ADAM18: variants seen among roughly 807,000 people sequenced by gnomAD.
ADAM18 encodes the protein ADAM metallopeptidase domain 18, also known as disintegrin and metalloproteinase domain-containing protein 18.
In ADAM18, 117 loss-of-function variants were observed where a neutral mutation model predicts 94.4. That is an observed-to-expected ratio of 1.24 (90% CI 1.07 to 1.45). ADAM18 has a LOEUF of 1.45. ADAM18 is among the 40% of genes most tolerant of loss of function. The pLI is 0.00. For missense variants in ADAM18, 936 were observed against 880.0 expected, an observed-to-expected ratio of 1.06 and a Z score of -0.81; for synonymous variants, 327 against 291.6, an observed-to-expected ratio of 1.12 and a Z score of -1.24.
chr8:39,627,058 T>C (rs1819789701), intron 6 of ADAM18, among the ~76,000 whole-genome samples: 1 of 152,142 alleles, frequency 6.6e-6, no homozygotes, highest in Non-Finnish European at 1.5e-5. Flanking sequence ...AGTCATTGTT[T>C]TATGAATGTG....
intron 16 of ADAM18, among the ~76,000 whole-genome samples, chr8:39,683,176 A>G (rs971910332): frequency 6.6e-6 from 1 of 152,192 alleles, no homozygotes; most frequent in African/African-American, 2.4e-5. Context: ...AGAGTAATAC[A>G]TGGGAAGAAA....
chr8:39,681,680 G>T (rs1283971046), intron 16 of ADAM18, among the ~76,000 whole-genome samples: 2 of 152,114 alleles, frequency 1.3e-5, no homozygotes, highest in African/African-American at 2.4e-5. Flanking sequence ...AGCTCATATT[G>T]CCTGAAACAG....
At chr8:39,611,590 G>T in intron 6 of ADAM18, 1 of 985,268 alleles carries the variant, frequency 1.0e-6, no homozygotes, top group Non-Finnish European at 1.2e-6. Context: ...CTGGTTTCAG[G>T]TAAGAGATAT....
At chr8:39,627,369 G>C (rs992887651) in intron 6 of ADAM18, among the ~76,000 whole-genome samples, 1 of 152,032 alleles carries the variant, frequency 6.6e-6, no homozygotes, top group African/African-American at 2.4e-5. Context: ...AGAACAGTAT[G>C]GGGGAAACTG....
chr8:39,663,992 T>C, intron 13 of ADAM18, 102 bp downstream of exon 13: 3 of 775,480 alleles, frequency 3.9e-6, no homozygotes, highest in Non-Finnish European at 6.1e-6. Flanking sequence ...ATAAGGAATT[T>C]AGTGAAATAA....
intron 12 of ADAM18, among the ~76,000 whole-genome samples, chr8:39,660,976 G>A (rs1464841195): frequency 6.6e-6 from 1 of 152,036 alleles, no homozygotes; most frequent in African/African-American, 2.4e-5. Flanking sequence ...AGGTGATAAT[G>A]TTGGTTTGCT....
intron 7 of ADAM18, among the ~76,000 whole-genome samples, chr8:39,636,074 A>G (rs1337098942): frequency 6.7e-6 from 1 of 149,962 alleles, no homozygotes; most frequent in African/African-American, 2.5e-5. Context: ...CCTGGAGTGC[A>G]GTGACAAAAT....
chr8:39,688,641 C>T (rs997339277), intron 16 of ADAM18, among the ~76,000 whole-genome samples: 1 of 152,144 alleles, frequency 6.6e-6, no homozygotes, highest in Non-Finnish European at 1.5e-5. Flanking sequence ...CATTGATGGG[C>T]ATTTAAGTTG....
intron 7 of ADAM18, among the ~76,000 whole-genome samples, chr8:39,630,200 C>A (rs1449060239): frequency 2.0e-5 from 3 of 151,748 alleles, no homozygotes; most frequent in African/African-American, 7.2e-5. Context: ...AAATACACTT[C>A]TGGTTTTAAA....
intron 10 of ADAM18, among the ~76,000 whole-genome samples, chr8:39,639,468 C>T (rs145015573): frequency 9.9e-5 from 15 of 151,988 alleles, no homozygotes; most frequent in East Asian, 1.9e-4. Flanking sequence ...CTTAAAAATA[C>T]GCCCATGAAG....
At chr8:39,616,980 C>T (rs1048052849) in intron 6 of ADAM18, among the ~76,000 whole-genome samples, 1 of 152,002 alleles carries the variant, frequency 6.6e-6, no homozygotes, top group Non-Finnish European at 1.5e-5. Flanking sequence ...GATGAAGATA[C>T]CAAAAGCAAT....
At chr8:39,669,240 A>C (rs1358484684) in intron 14 of ADAM18, among the ~76,000 whole-genome samples, 1 of 151,302 alleles carries the variant, frequency 6.6e-6, no homozygotes, top group African/African-American at 2.4e-5. Flanking sequence ...GAATTCATTT[A>C]CTTGACACAT....
At chr8:39,661,172 T>G (rs1215184855) in intron 12 of ADAM18, among the ~76,000 whole-genome samples, 1 of 142,542 alleles carries the variant, frequency 7.0e-6, no homozygotes, top group Non-Finnish European at 1.5e-5. Flanking sequence ...TTTTTTTTTT[T>G]GAGGGAGTCT....
chr8:39,728,950 C>T (rs1452018643), intron 19 of ADAM18, among the ~76,000 whole-genome samples: 1 of 152,136 alleles, frequency 6.6e-6, no homozygotes, highest in Non-Finnish European at 1.5e-5. Flanking sequence ...CTGTGTTCCA[C>T]AGTAGTTTTA....
intron 7 of ADAM18, among the ~76,000 whole-genome samples, chr8:39,633,441 A>G (rs545415615): frequency 6.6e-6 from 1 of 152,308 alleles, no homozygotes; most frequent in East Asian, 1.9e-4. Flanking sequence ...ATTAGTGGTT[A>G]TGAACAGTTT....
At chr8:39,585,638 T>C (rs1037015446) in intron 2 of ADAM18, among the ~76,000 whole-genome samples, 1 of 152,196 alleles carries the variant, frequency 6.6e-6, no homozygotes, top group African/African-American at 2.4e-5. Context: ...AAAATATTCA[T>C]GACCATGGTT....
At chr8:39,624,545 T>G (rs1216246335) in intron 6 of ADAM18, among the ~76,000 whole-genome samples, 1 of 152,178 alleles carries the variant, frequency 6.6e-6, no homozygotes, top group African/African-American at 2.4e-5. Context: ...TTTTGGTTAG[T>G]AAAGTTTGTA....
chr8:39,594,069 T>A lies in ADAM18; in HGVS notation c.132+8717T>A, dbSNP rs10958559. On this transcript the variant is annotated intron_variant, in intron 2 of 19. Transcript: ENST00000265707. ...TTAATTTTTATTTTCTTTTTCATGC[T>A]TATGTATAAATTACCAGAATAACAT... is the stretch of plus-strand genomic sequence containing the variant. 2.5e-3 allele frequency among the ~76,000 whole-genome samples: 386 copies of A among 152,040 alleles called. 2 individuals are homozygous for A. The Middle Eastern group carries it at 0.034, about 13-fold the overall frequency.
intron 16 of ADAM18, among the ~76,000 whole-genome samples, chr8:39,691,865 A>G (rs1821791694): frequency 6.6e-6 from 1 of 151,998 alleles, no homozygotes; most frequent in African/African-American, 2.4e-5. Context: ...GTGAGTTGAC[A>G]TATGCAACTT....
Sources: gnomAD v4.1 joint callset for allele counts (sites outside exome capture counted in the v4.1 genomes callset) on GRCh38, gnomAD v4.1.1 for gene constraint, MANE v1.5 for transcripts, NCBI Gene and HGNC (gene_info 2026-07-23, HGNC 2026-07-21) for gene names.